APBA2: variants seen among roughly 807,000 people sequenced by gnomAD.
APBA2 encodes amyloid beta precursor protein binding family A member 2.
APBA2 carries 30 observed loss-of-function variants against 75.0 expected under a neutral mutation model. The ratio of observed to expected loss-of-function variants is 0.40; its 90% CI spans 0.30 to 0.54. The LOEUF is 0.54. APBA2 is among the 20% of genes least tolerant of loss of function. APBA2 has a pLI of 0.49. For synonymous variants in APBA2, 444 were observed against 409.6 expected, an observed-to-expected ratio of 1.08 and a Z score of -1.01; for missense variants, 801 against 1,016.1, an observed-to-expected ratio of 0.79 and a Z score of 2.88.
intron 1 of APBA2, among the ~76,000 whole-genome samples, chr15:28,909,116 A>G (rs1404221620): frequency 6.6e-6 from 1 of 151,282 alleles, no homozygotes. Context: ...CCTCCCAAGT[A>G]GCTGGGGCTA....
At chr15:29,029,858 G>A (rs563492264) in intron 3 of APBA2, among the ~76,000 whole-genome samples, 1 of 152,292 alleles carries the variant, frequency 6.6e-6, no homozygotes, top group East Asian at 1.9e-4. Flanking sequence ...AGTGGCTTGA[G>A]GCTGGGCCTG....
rs1487981820 is a variant in APBA2 at position 29,027,012 on chromosome 15, A to C, written c.-40-26833A>C. On this transcript the variant is annotated intron_variant, in intron 3 of 14. Transcript: ENST00000683413. ...GTTGGCAATAGCCAATTTTAATGGT[A>C]TGATACATTCTCAGGGTGTGCCATC... Among the ~76,000 whole-genome samples, 3 of 152,246 alleles carry C rather than the reference A, an allele frequency of 2.0e-5. No homozygotes were observed. The East Asian group carries it at 5.8e-4, about 29-fold the overall frequency.
chr15:28,915,371 C>T (rs1414178101), intron 1 of APBA2, among the ~76,000 whole-genome samples: 1 of 144,870 alleles, frequency 6.9e-6, no homozygotes, highest in Non-Finnish European at 1.5e-5. Context: ...ACACACACCT[C>T]ACACACACCA....
chr15:29,045,103 C>CTCTCTCTCTCTCTCTCTCTT lies in APBA2; in HGVS notation c.-40-8742_-40-8741insTCTCTCTCTCTCTCTCTCTT, dbSNP rs57446098. The stretch of plus-strand genomic sequence containing the variant: ...TCTCTCTCTCTCTCTCTCTCTCTCT[C>CTCTCTCTCTCTCTCTCTCTT]GTCTCGCACTGTCACCTGGGCTGGA... On this transcript the variant is annotated intron_variant, in intron 3 of 14. Coordinates refer to ENST00000683413, the MANE Select transcript of APBA2 (RefSeq NM_001353788.2). Among the ~76,000 whole-genome samples the CTCTCTCTCTCTCTCTCTCTT allele has an allele frequency of 5.2e-3, 728 of 140,356 alleles. 30 individuals are homozygous for CTCTCTCTCTCTCTCTCTCTT. The highest frequency in any genetic ancestry group is 0.016 in the African/African-American group (594 of 36,484). 92.1% of individuals were successfully genotyped at this position (140,356 alleles called of 152,430 possible). A position where few individuals can be genotyped will look rare whatever the true frequency, so the allele number is the denominator to read the frequency against.
intron 2 of APBA2, among the ~76,000 whole-genome samples, chr15:28,984,308 CT>C (rs2037782297): frequency 6.6e-6 from 1 of 152,028 alleles, no homozygotes; most frequent in South Asian, 2.1e-4. Context: ...GTGTTTCCCA[CT>C]GAGTACCTGC....
At chr15:28,930,753 T>A (rs2034520084) in intron 2 of APBA2, among the ~76,000 whole-genome samples, 1 of 152,140 alleles carries the variant, frequency 6.6e-6, no homozygotes, top group Admixed American at 6.5e-5. Context: ...TTCTTAGAGA[T>A]GACCCTGCTG....
At chr15:29,108,140 G>A (rs1219341014) in intron 12 of APBA2, 130 bp from the exon 13 acceptor site, 1 of 1,352,670 alleles carries the variant, frequency 7.4e-7, no homozygotes, top group Admixed American at 1.7e-5. Context: ...AGGCTGAGAG[G>A]GGACTGCCTG....
intron 3 of APBA2, among the ~76,000 whole-genome samples, chr15:29,031,338 G>A (rs1411785881): frequency 3.3e-5 from 5 of 152,208 alleles, no homozygotes; most frequent in Non-Finnish European, 4.4e-5. Context: ...CAGTTCTGGA[G>A]GCTGGGAGTC....
chr15:28,959,728 C>T (rs2036364445), intron 2 of APBA2, among the ~76,000 whole-genome samples: 1 of 152,236 alleles, frequency 6.6e-6, no homozygotes, highest in Non-Finnish European at 1.5e-5. Flanking sequence ...AAGCAATCTT[C>T]ATGGACTGCT....
intron 2 of APBA2, among the ~76,000 whole-genome samples, chr15:28,955,477 A>T (rs570852837): frequency 5.9e-5 from 9 of 152,272 alleles, no homozygotes; most frequent in African/African-American, 2.2e-4. Flanking sequence ...TTGTGTAATC[A>T]ATTTTAATGA....
chr15:29,003,259 C>T (rs1267181175), intron 3 of APBA2, among the ~76,000 whole-genome samples: 4 of 152,082 alleles, frequency 2.6e-5, no homozygotes, highest in Non-Finnish European at 2.9e-5. Context: ...ACCAGGCTAG[C>T]GTTTTCATGG....
At chr15:29,045,160 C>G (rs975702487) in intron 3 of APBA2, among the ~76,000 whole-genome samples, 6 of 150,808 alleles carry the variant, frequency 4.0e-5, no homozygotes, top group African/African-American at 1.5e-4. Context: ...TCACTGCAAC[C>G]TCCGCCTCCC....
chr15:28,969,635 T>G (rs984235828), intron 2 of APBA2, among the ~76,000 whole-genome samples: 1 of 152,048 alleles, frequency 6.6e-6, no homozygotes, highest in Non-Finnish European at 1.5e-5. Flanking sequence ...TCCCGACCCC[T>G]CGGCCGAGCA....
chr15:29,006,601 A>G (rs2039129713), intron 3 of APBA2, among the ~76,000 whole-genome samples: 1 of 152,218 alleles, frequency 6.6e-6, no homozygotes, highest in Non-Finnish European at 1.5e-5. Flanking sequence ...TCATGGTTGA[A>G]GATGAAGGAA....
chr15:29,041,395 A>C, intron 3 of APBA2, among the ~76,000 whole-genome samples: 1 of 151,814 alleles, frequency 6.6e-6, no homozygotes, highest in Non-Finnish European at 1.5e-5. Context: ...AGGCAGGAGG[A>C]TCACTTGATC....
chr15:29,113,345 A>G (rs2152983021), intron 13 of APBA2, among the ~76,000 whole-genome samples: 1 of 148,592 alleles, frequency 6.7e-6, no homozygotes, highest in Non-Finnish European at 1.5e-5. Flanking sequence ...CCCTTACGTC[A>G]CTTGGCGGGG....
At chr15:28,896,006 G>GGGA (rs2152619596) in intron 1 of APBA2, among the ~76,000 whole-genome samples, 1 of 152,180 alleles carries the variant, frequency 6.6e-6, no homozygotes, top group East Asian at 1.9e-4. Context: ...CTAGCTACTC[G>GGGA]GGAGGCTGAG....
intron 3 of APBA2, among the ~76,000 whole-genome samples, chr15:29,004,133 A>C (rs1206895710): frequency 6.6e-6 from 1 of 152,064 alleles, no homozygotes; most frequent in African/African-American, 2.4e-5. Flanking sequence ...CTGGAGGGAG[A>C]CTGAGGCCCA....
chr15:28,961,536 C>G (rs2036470370), intron 2 of APBA2: 1 of 152,232 alleles, frequency 6.6e-6, no homozygotes, highest in Admixed American at 6.5e-5. Context: ...AGGGAGTCTT[C>G]TTGGAGGAAG....
Sources: gnomAD v4.1 joint callset for allele counts (sites outside exome capture counted in the v4.1 genomes callset) on GRCh38, gnomAD v4.1.1 for gene constraint, MANE v1.5 for transcripts, NCBI Gene and HGNC (gene_info 2026-07-23, HGNC 2026-07-21) for gene names.